Variants in DARS1 observed in about 807,000 individuals in gnomAD.
The protein encoded by DARS1 is aspartyl-tRNA synthetase 1.
Under a neutral mutation model 68.8 loss-of-function variants are expected in DARS1, and 51 were observed. The observed-to-expected ratio is 0.74, with a 90% confidence interval of 0.59 to 0.94. The LOEUF (loss-of-function observed/expected upper bound fraction) is 0.94, where lower values mean the gene tolerates loss of function less well. Among genes scored for constraint, DARS1 ranks in the 40% least tolerant of loss-of-function variants. The pLI is 0.00. For missense variants in DARS1, 607 were observed against 597.3 expected (o/e 1.02, Z -0.17); for synonymous variants, 203 against 190.4 (o/e 1.07, Z -0.55).
intron 3 of DARS1, among the ~76,000 whole-genome samples, chr2:135,966,373 T>C (rs921808629): frequency 6.6e-6 from 1 of 152,234 alleles, no homozygotes; most frequent in Non-Finnish European, 1.5e-5. Flanking sequence ...TAAAAAGTTC[T>C]CACTTGAAAA....
chr2:135,968,978 T>G (rs544054492), intron 3 of DARS1, among the ~76,000 whole-genome samples: 2 of 152,020 alleles, frequency 1.3e-5, no homozygotes, highest in African/African-American at 2.4e-5. Context: ...TAAGTTTCAA[T>G]ATAGCATGGG....
intron 7 of DARS1, among the ~76,000 whole-genome samples, chr2:135,925,629 TC>T (rs1188926238): frequency 1.3e-5 from 2 of 152,340 alleles, no homozygotes; most frequent in Admixed American, 6.5e-5. Context: ...AAGTTACAAA[TC>T]AATAGTTTCT....
chr2:135,924,449 A>G lies in DARS1; in HGVS notation c.614T>C (p.Leu205Pro). 1 of 1,609,888 alleles carries G rather than the reference A, an allele frequency of 6.2e-7. No homozygotes were observed. Among genetic ancestry groups the G allele is most frequent in the Non-Finnish European group, 8.5e-7 (1 of 1,178,920 alleles). ...TTTGTTAATTAAAGTTTCTCGGAAGAGATGGCAGATGCCAGACTGGAGACG... is the reference window on the plus strand; with the variant it reads ...TTTGTTAATTAAAGTTTCTCGGAAGGGATGGCAGATGCCAGACTGGAGACG... ...VFRLQSGICH[L>P]FRETLINKGF... Residue 205 changes from leucine (L) to proline (P), a missense_variant, in exon 8 of 16, where the codon CTC (leucine) becomes CCC (proline). Physicochemically the swap from Leu to Pro is moderately conservative, Grantham distance 98. Transcript: ENST00000264161.
intron 4 of DARS1, among the ~76,000 whole-genome samples, chr2:135,948,378 T>C (rs182332705): frequency 4.7e-4 from 71 of 152,308 alleles, no homozygotes; most frequent in Middle Eastern, 3.4e-3. Flanking sequence ...CTGTATACCC[T>C]GCCTCTGCAT....
intron 3 of DARS1, among the ~76,000 whole-genome samples, chr2:135,968,605 C>G (rs1056282190): frequency 4.6e-5 from 7 of 151,712 alleles, no homozygotes; most frequent in African/African-American, 7.3e-5. Context: ...CCCTCATGAC[C>G]CAATCACCTC....
rs1558777674 is a variant in DARS1 at position 135,916,336 on chromosome 2, G to C, written c.996C>G (p.Phe332Leu). 2.0e-6 allele frequency: 3 copies of C among 1,506,314 alleles called. No homozygotes were observed. The highest frequency in any genetic ancestry group is 2.8e-6 in the Non-Finnish European group (3 of 1,081,786). 93.3% of individuals were successfully genotyped at this position (1,506,314 alleles called of 1,614,324 possible). The change falls in exon 11 of 16, where the codon TTC becomes TTG. Residue 332 changes from phenylalanine (F) to leucine (L), a missense_variant. Transcript: ENST00000264161. ...QTEIQTVNKQ[F>L]PCEPFKFLEP... Reference sequence around the variant, plus strand: ...CCAAAAATTTGAATGGCTCACATGGGAACTGTTTATTCACTGTTTGAATTT... The same window carrying C: ...CCAAAAATTTGAATGGCTCACATGGCAACTGTTTATTCACTGTTTGAATTT...
At chr2:135,931,781 T>C (rs1452462706) in intron 7 of DARS1, among the ~76,000 whole-genome samples, 5 of 152,112 alleles carry the variant, frequency 3.3e-5, no homozygotes, top group Non-Finnish European at 7.4e-5. Flanking sequence ...TTCTCCTCTT[T>C]TTAAGAAGTG....
rs1329565690 is a variant in DARS1 at position 135,939,577 on chromosome 2, C to A, written c.423+3801G>T. ...AAGCAAGAAAGATCTAAAATTGACA[C>A]CCTAACATCACAATTAAAAGAACTA... On this transcript the variant is annotated intron_variant, in intron 5 of 15. Coordinates refer to ENST00000264161, the MANE Select transcript of DARS1 (RefSeq NM_001349.4). Among the ~76,000 whole-genome samples the A allele has an allele frequency of 2.0e-5, 3 of 152,228 alleles. No individual in the cohort carries two copies. The East Asian group carries it at 5.8e-4, about 29-fold the overall frequency.
chr2:135,926,853 G>A (rs1328595118), intron 7 of DARS1, among the ~76,000 whole-genome samples: 1 of 152,096 alleles, frequency 6.6e-6, no homozygotes, highest in African/African-American at 2.4e-5. Context: ...CTCAGGCCCA[G>A]GTTAGTCAGT....
chr2:135,909,225 A>G (rs1680849405), intron 15 of DARS1, among the ~76,000 whole-genome samples: 2 of 152,284 alleles, frequency 1.3e-5, no homozygotes, highest in East Asian at 1.9e-4. Flanking sequence ...GCAAGCCCCC[A>G]TGGCACATGT....
intron 4 of DARS1, among the ~76,000 whole-genome samples, chr2:135,957,834 G>A (rs1682013394): frequency 6.6e-6 from 1 of 152,058 alleles, no homozygotes; most frequent in African/African-American, 2.4e-5. Context: ...CCAAACTACT[G>A]TAAATGCTTA....
At position 135,911,217 on chromosome 2, in the gene DARS1, A is replaced by T. The variant is rs199507494; in HGVS notation, c.1343-7T>A. 4.2e-6 allele frequency: 6 copies of T among 1,425,476 alleles called. No homozygotes were observed. In the Admixed American group the frequency reaches 5.1e-5, roughly 12 times the overall value. The allele number at this position is 1,425,476 out of a possible 1,614,324, so 88.3% of individuals were successfully genotyped here. A position where few individuals can be genotyped will look rare whatever the true frequency, so the allele number is the denominator to read the frequency against. Reference sequence around the variant, plus strand: ...GCCTTAATTTTCTCCAAATCTGCAAAAAGACACAAAACAAAATATAATTTA... The same window carrying T: ...GCCTTAATTTTCTCCAAATCTGCAATAAGACACAAAACAAAATATAATTTA... On this transcript the variant is annotated splice_polypyrimidine_tract_variant and splice_region_variant and intron_variant, in intron 14 of 15. Transcript: ENST00000264161.
At chr2:135,910,856 G>T in intron 15 of DARS1, 1 of 293,286 alleles carries the variant, frequency 3.4e-6, no homozygotes, top group South Asian at 4.9e-5. Flanking sequence ...GCTATTTTAA[G>T]GTAGAGCTTT....
intron 10 of DARS1, among the ~76,000 whole-genome samples, chr2:135,917,963 A>C (rs1681042173): frequency 6.6e-6 from 1 of 152,122 alleles, no homozygotes; most frequent in Non-Finnish European, 1.5e-5. Context: ...TCTGTTGCCC[A>C]GGCTGGAGTG....
chr2:135,979,345 CT>C lies in DARS1; in HGVS notation c.145del (p.Arg49GlufsTer3). 6.9e-7 allele frequency: 1 copy of C among 1,457,438 alleles called. No individual in the cohort carries two copies. The allele number at this position is 1,457,438 out of a possible 1,614,324, so 90.3% of individuals were successfully genotyped here. ...ATCAGCTTTTTGTATTGTCAAGTCT[CT>C]AACCCGAACCAAAACTCGATCTGTA... is the stretch of plus-strand genomic sequence containing the variant. The part of the protein sequence containing the change: ...EKPDRVLVRV[R>X]DLTIQKADEV... On this transcript the variant is annotated frameshift_variant, in exon 3 of 16. Transcript: ENST00000264161. LOFTEE classifies it high-confidence loss of function.
At chr2:135,911,729 C>G in intron 13 of DARS1, 1 of 371,644 alleles carries the variant, frequency 2.7e-6, no homozygotes, top group South Asian at 5.6e-5. Context: ...AGCATCACAT[C>G]TAATTTTTAA....
At chr2:135,958,903 TC>T (rs1434180666) in intron 4 of DARS1, among the ~76,000 whole-genome samples, 1 of 152,038 alleles carries the variant, frequency 6.6e-6, no homozygotes, top group Non-Finnish European at 1.5e-5. Flanking sequence ...CTCAACCTTT[TC>T]CTACACATTG....
chr2:135,961,674 A>G (rs1682105134), intron 3 of DARS1, among the ~76,000 whole-genome samples, 176 bp from the exon 4 acceptor site: 1 of 152,228 alleles, frequency 6.6e-6, no homozygotes. Flanking sequence ...CACTCAACTG[A>G]CAACCCTTAA....
chr2:135,984,124 T>A (rs190759047), intron 1 of DARS1, among the ~76,000 whole-genome samples: 8 of 152,324 alleles, frequency 5.3e-5, no homozygotes, highest in Admixed American at 6.5e-5. Context: ...TAGGGTCCAA[T>A]CTGTTAACAA....
Sources: allele counts gnomAD v4.1 joint callset (sites outside exome capture counted in the v4.1 genomes callset), GRCh38; gene constraint gnomAD v4.1.1; transcripts MANE v1.5; gene names NCBI Gene and HGNC (gene_info 2026-07-23, HGNC 2026-07-21).